DCLK2: variants seen among roughly 807,000 people sequenced by gnomAD.
DCLK2 encodes doublecortin like kinase 2, also known as serine/threonine-protein kinase DCLK2.
In DCLK2, 31 loss-of-function variants were observed where a neutral mutation model predicts 78.4. The observed-to-expected ratio is 0.40, with a 90% CI of 0.30 to 0.53. The LOEUF (loss-of-function observed/expected upper bound fraction) is 0.53. Among genes scored for constraint, DCLK2 ranks in the 20% least tolerant of loss-of-function variants. The pLI is 0.61. For missense variants in DCLK2, 872 were observed against 973.7 expected (o/e 0.90, Z 1.39); for synonymous variants, 407 against 374.9 (o/e 1.09, Z -0.99).
At chr4:150,086,822 C>G (rs915246842) in intron 1 of DCLK2, among the ~76,000 whole-genome samples, 2 of 152,072 alleles carry the variant, frequency 1.3e-5, no homozygotes, top group African/African-American at 4.8e-5. Flanking sequence ...CAGATTCTTT[C>G]ATATTTATTT....
intron 2 of DCLK2, among the ~76,000 whole-genome samples, chr4:150,186,621 G>A (rs544059050): frequency 2.0e-5 from 3 of 152,198 alleles, no homozygotes; most frequent in Admixed American, 6.5e-5. Context: ...ATGTGCAGTA[G>A]TACATTCCTT....
rs1454035697 is a variant in DCLK2, at chr4:150,175,011, A to AAAATATATATATATAT, written c.757-18126_757-18125insAATATATATATATATA. Among the ~76,000 whole-genome samples the AAAATATATATATATAT allele has an allele frequency of 6.0e-4, 6 of 9,976 alleles. 1 individual carries two copies. Among genetic ancestry groups the AAAATATATATATATAT allele is most frequent in the South Asian group, 5.3e-3 (2 of 380 alleles). 6.5% of individuals were successfully genotyped at this position (9,976 alleles called of 152,430 possible). A position where few individuals can be genotyped will look rare whatever the true frequency, so the allele number is the denominator to read the frequency against. On this transcript the variant is annotated intron_variant, in intron 2 of 15. Transcript: ENST00000296550. ...AGACTCCGTCGCAAAAAAAAAAAAA[A>AAAATATATATATATAT]ATATATATATATATATATATATTTA...
chr4:150,240,848 A>G (rs1228893449), intron 12 of DCLK2, among the ~76,000 whole-genome samples: 4 of 151,250 alleles, frequency 2.6e-5, no homozygotes, highest in Non-Finnish European at 4.4e-5. Flanking sequence ...GTATATTCTC[A>G]TTAGCATACT....
At chr4:150,203,546 A>T (rs564620339) in intron 4 of DCLK2, among the ~76,000 whole-genome samples, 1 of 150,144 alleles carries the variant, frequency 6.7e-6, no homozygotes, top group Admixed American at 6.6e-5. Flanking sequence ...TGTCTTCTAT[A>T]TTTGTTTATA....
In DCLK2 at chr4:150,256,504, A is replaced by C; in HGVS notation, c.*257A>C. On this transcript the variant is annotated 3_prime_UTR_variant, in exon 16 of 16. Transcript: ENST00000296550. ...ACAGCTGTTCGGAGAGACTCGTTCCAGATCATCCCGTCATTTTCAGTTTGT... is the reference window on the plus strand; with the variant it reads ...ACAGCTGTTCGGAGAGACTCGTTCCCGATCATCCCGTCATTTTCAGTTTGT... The C allele has an allele frequency of 2.2e-6, 1 of 448,312 alleles. No homozygotes were observed. Among genetic ancestry groups the C allele is most frequent in the Non-Finnish European group, 3.9e-6 (1 of 257,158 alleles). 27.8% of individuals were successfully genotyped at this position (448,312 alleles called of 1,614,324 possible).
At chr4:150,104,219 T>C (rs1316003464) in intron 2 of DCLK2, among the ~76,000 whole-genome samples, 5 of 151,210 alleles carry the variant, frequency 3.3e-5, no homozygotes, top group Non-Finnish European at 7.4e-5. Context: ...AGGGAAAATA[T>C]AGGTGAAATA....
chr4:150,156,079 G>A (rs747684220), intron 2 of DCLK2, among the ~76,000 whole-genome samples: 12 of 152,200 alleles, frequency 7.9e-5, no homozygotes, highest in South Asian at 2.1e-4. Flanking sequence ...CCAAGCGGTC[G>A]TTGTAAGGTG....
intron 2 of DCLK2, among the ~76,000 whole-genome samples, chr4:150,112,384 T>C (rs150228982): frequency 3.3e-5 from 5 of 152,312 alleles, no homozygotes; most frequent in South Asian, 2.1e-4. Context: ...TATGATAATA[T>C]CATCAGCAAA....
intron 10 of DCLK2, among the ~76,000 whole-genome samples, chr4:150,233,327 C>G (rs1742226963): frequency 1.3e-5 from 2 of 152,158 alleles, no homozygotes; most frequent in Admixed American, 1.3e-4. Flanking sequence ...AAGGTGCCTC[C>G]CCCAACATTG....
chr4:150,192,647 G>T (rs1018910233), intron 2 of DCLK2, among the ~76,000 whole-genome samples: 1 of 152,162 alleles, frequency 6.6e-6, no homozygotes, highest in African/African-American at 2.4e-5. Context: ...GAGCACTCAT[G>T]TGCAGACATT....
intron 5 of DCLK2, among the ~76,000 whole-genome samples, chr4:150,206,708 A>G (rs1739871181): frequency 6.6e-6 from 1 of 152,200 alleles, no homozygotes; most frequent in Admixed American, 6.5e-5. Context: ...TGAATTTTAC[A>G]TTAAACATGA....
intron 2 of DCLK2, among the ~76,000 whole-genome samples, chr4:150,142,224 G>A (rs1282388859): frequency 5.3e-5 from 8 of 151,914 alleles, no homozygotes; most frequent in East Asian, 3.9e-4. Context: ...CTTTAGATTC[G>A]CAATCAGTTT....
At chr4:150,145,522 T>C (rs1423775808) in intron 2 of DCLK2, among the ~76,000 whole-genome samples, 2 of 152,230 alleles carry the variant, frequency 1.3e-5, no homozygotes, top group Admixed American at 6.5e-5. Context: ...TATTTTCTTA[T>C]TTACTTTTGC....
chr4:150,132,136 G>T (rs556276155), intron 2 of DCLK2, among the ~76,000 whole-genome samples: 1 of 152,274 alleles, frequency 6.6e-6, no homozygotes, highest in Non-Finnish European at 1.5e-5. Flanking sequence ...GGAAGAAAGG[G>T]CATGCAAGTT....
chr4:150,138,962 C>T (rs941134138), intron 2 of DCLK2, among the ~76,000 whole-genome samples: 51 of 151,168 alleles, frequency 3.4e-4, no homozygotes, highest in African/African-American at 1.1e-3. Context: ...CGGCGCCTGG[C>T]CCATTTTTCA....
intron 12 of DCLK2, among the ~76,000 whole-genome samples, chr4:150,245,276 T>G (rs1031445283): frequency 2.0e-5 from 3 of 152,354 alleles, no homozygotes; most frequent in African/African-American, 7.2e-5. Context: ...TTCTCTTGCC[T>G]GGCCCAGTTA....
At chr4:150,104,945 G>A (rs1245181048) in intron 2 of DCLK2, among the ~76,000 whole-genome samples, 1 of 152,030 alleles carries the variant, frequency 6.6e-6, no homozygotes, top group Non-Finnish European at 1.5e-5. Context: ...TAGAATTTCA[G>A]TAAGAATCTA....
intron 5 of DCLK2, among the ~76,000 whole-genome samples, chr4:150,211,789 C>G (rs1443621979): frequency 1.3e-5 from 2 of 152,140 alleles, no homozygotes; most frequent in African/African-American, 4.8e-5. Context: ...CTTCCTGATT[C>G]TCCATTTTTC....
At position 150,190,198 on chromosome 4, in the gene DCLK2, T is replaced by C. The variant is rs1738305260; in HGVS notation, c.757-2940T>C. ...AGCCTGGGCAACAGAGTTGAGACCC[T>C]GGATAGATATAGATAGATAGATGGA... On this transcript the variant is annotated intron_variant, in intron 2 of 15. Coordinates refer to ENST00000296550, the MANE Select transcript of DCLK2 (RefSeq NM_001040260.4). Among the ~76,000 whole-genome samples, 4 of 150,628 alleles carry C rather than the reference T, an allele frequency of 2.7e-5. No homozygotes were observed. The South Asian group carries it at 8.5e-4, about 32-fold the overall frequency.
Sources: gnomAD v4.1 joint callset for allele counts (sites outside exome capture counted in the v4.1 genomes callset) on GRCh38, gnomAD v4.1.1 for gene constraint, MANE v1.5 for transcripts, NCBI Gene and HGNC (gene_info 2026-07-23, HGNC 2026-07-21) for gene names.